Variants in GPHN observed in about 807,000 individuals in gnomAD.
GPHN encodes the protein gephyrin.
GPHN carries 17 observed loss-of-function variants against 95.5 expected under a neutral mutation model. The ratio of observed to expected loss-of-function variants is 0.18; its 90% confidence interval spans 0.12 to 0.27. GPHN has a LOEUF of 0.27. Among genes scored for constraint, GPHN ranks in the 10% least tolerant of loss-of-function variants. The pLI, the probability that GPHN is intolerant of heterozygous loss-of-function variation, is 1.00. For synonymous variants in GPHN, 320 were observed against 322.5 expected (o/e 0.99, Z 0.08); for missense variants, 660 against 978.1 (o/e 0.67, Z 4.34).
chr14:67,429,976 G>A, the GPHN span, among the ~76,000 whole-genome samples: 3 of 152,080 alleles, frequency 2.0e-5, no homozygotes, highest in Non-Finnish European at 2.9e-5. Context: ...TCAAGATCAC[G>A]TGGCTCATAA....
the GPHN span, among the ~76,000 whole-genome samples, chr14:67,724,029 C>A: frequency 3.3e-5 from 5 of 152,204 alleles, no homozygotes; most frequent in Non-Finnish European, 5.9e-5. Context: ...GTGTGTGCCA[C>A]CCCCCACAGA....
the GPHN span, among the ~76,000 whole-genome samples, chr14:67,441,559 T>G: frequency 6.6e-6 from 1 of 152,196 alleles, no homozygotes; most frequent in Non-Finnish European, 1.5e-5. Flanking sequence ...TAATTTTATG[T>G]GTCAACTTGA....
the GPHN span, chr14:67,580,152 T>C: frequency 5.4e-6 from 2 of 370,984 alleles, no homozygotes; most frequent in African/African-American, 4.1e-5. Flanking sequence ...CTTCTTGGCT[T>C]GGTGTAGGGA....
At chr14:66,861,321 A>G (rs1419587298) in intron 4 of GPHN, among the ~76,000 whole-genome samples, 1 of 152,036 alleles carries the variant, frequency 6.6e-6, no homozygotes, top group East Asian at 1.9e-4. Context: ...CAATGAACCC[A>G]ATGCTGGAGC....
At chr14:66,687,406 G>C (rs1288426902) in intron 2 of GPHN, among the ~76,000 whole-genome samples, 3 of 151,818 alleles carry the variant, frequency 2.0e-5, no homozygotes, top group Admixed American at 6.6e-5. Context: ...TATTTTGATA[G>C]AGATTGCGTT....
the GPHN span, chr14:67,579,804 C>T: frequency 6.2e-7 from 1 of 1,610,838 alleles, no homozygotes; most frequent in South Asian, 1.1e-5. Context: ...AGCCATCCCA[C>T]TCTGGCTTTG....
chr14:67,177,505 G>T (rs573081486), intron 21 of GPHN, among the ~76,000 whole-genome samples: 1 of 152,256 alleles, frequency 6.6e-6, no homozygotes, highest in African/African-American at 2.4e-5. Flanking sequence ...CAATTATGTG[G>T]TCAATTTTAG....
At chr14:67,112,926 T>A in intron 15 of GPHN, 92 bp from the exon 16 acceptor site, 2 of 1,138,710 alleles carry the variant, frequency 1.8e-6, no homozygotes, top group Non-Finnish European at 2.7e-6. Flanking sequence ...TTTGTCTTCT[T>A]GAATGTCCTT....
intron 2 of GPHN, among the ~76,000 whole-genome samples, chr14:66,758,823 C>T (rs1313042017): frequency 6.6e-6 from 1 of 152,116 alleles, no homozygotes; most frequent in African/African-American, 2.4e-5. Context: ...TTTTACTTTA[C>T]CCATCCCTCT....
the GPHN span, among the ~76,000 whole-genome samples, chr14:67,235,490 CG>C: frequency 1.3e-5 from 2 of 151,938 alleles, no homozygotes; most frequent in African/African-American, 4.8e-5. Flanking sequence ...CCGAGGCGGG[CG>C]GATCACGAGG....
At chr14:67,569,262 C>T in the GPHN span, 64 of 1,408,114 alleles carry the variant, frequency 4.5e-5, 1 homozygote, top group African/African-American at 7.3e-4. Flanking sequence ...CCAAGGTGGG[C>T]AGGGTGGGCA....
chr14:66,537,773 CTTTAT>C (rs951001608), intron 1 of GPHN, among the ~76,000 whole-genome samples: 20 of 152,062 alleles, frequency 1.3e-4, no homozygotes, highest in African/African-American at 4.8e-4. Flanking sequence ...TCTGAAATCC[CTTTAT>C]TTTGACTTCT....
chr14:67,049,321 G>A (rs1366750057), intron 10 of GPHN, among the ~76,000 whole-genome samples: 8 of 151,948 alleles, frequency 5.3e-5, no homozygotes, highest in Admixed American at 4.6e-4. Flanking sequence ...TCCGCCTCCC[G>A]GGTTCACGCC....
At chr14:67,203,400 C>A in the GPHN span, 1 of 855,736 alleles carries the variant, frequency 1.2e-6, no homozygotes, top group Non-Finnish European at 1.7e-6. Context: ...GAGCATGTTA[C>A]TCGCACTCCC....
intron 1 of GPHN, among the ~76,000 whole-genome samples, chr14:66,642,630 T>G (rs1015281775): frequency 1.3e-5 from 2 of 151,640 alleles, no homozygotes; most frequent in Non-Finnish European, 2.9e-5. Flanking sequence ...TTGTAAATTG[T>G]GAATAGTAAA....
intron 11 of GPHN, among the ~76,000 whole-genome samples, chr14:67,065,192 C>T (rs1418819121): frequency 6.6e-6 from 1 of 152,060 alleles, no homozygotes; most frequent in East Asian, 1.9e-4. Context: ...CATTATGTAC[C>T]CAGTAGTCAT....
chr14:67,727,751 A>G, the GPHN span: 1 of 176,588 alleles, frequency 5.7e-6, no homozygotes, highest in African/African-American at 2.4e-5. Flanking sequence ...GGTAACAGGT[A>G]TTATTACTCC....
At chr14:67,036,532 CACACACACAG>C (rs1403146427) in intron 10 of GPHN, among the ~76,000 whole-genome samples, 1 of 149,988 alleles carries the variant, frequency 6.7e-6, no homozygotes, top group African/African-American at 2.4e-5. Context: ...CACACACACA[CACACACACAG>C]AGAAACACTA....
chr14:66,535,827 T>C (rs1025117773), intron 1 of GPHN, among the ~76,000 whole-genome samples: 1 of 152,108 alleles, frequency 6.6e-6, no homozygotes, highest in African/African-American at 2.4e-5. Context: ...AATTTGCTTA[T>C]TTTTAATATT....
Sources: gnomAD v4.1 joint callset for allele counts (sites outside exome capture counted in the v4.1 genomes callset) on GRCh38, gnomAD v4.1.1 for gene constraint, MANE v1.5 for transcripts, NCBI Gene and HGNC (gene_info 2026-07-23, HGNC 2026-07-21) for gene names.